Variants in PPP4C observed in about 807,000 individuals in gnomAD.
PPP4C encodes the protein protein phosphatase 4 catalytic subunit, also known as serine/threonine-protein phosphatase 4 catalytic subunit.
Under a neutral mutation model 40.5 loss-of-function variants are expected in PPP4C, and 10 were observed. The ratio of observed to expected loss-of-function variants is 0.25; its 90% confidence interval spans 0.15 to 0.42. The LOEUF (loss-of-function observed/expected upper bound fraction) is 0.42, where lower values mean the gene tolerates loss of function less well. PPP4C is among the 10% of genes least tolerant of loss of function. The pLI is 1.00. For missense variants in PPP4C, 191 were observed against 416.4 expected (o/e 0.46, Z 4.71); for synonymous variants, 187 against 163.6 (o/e 1.14, Z -1.09).
At position 30,083,185 on chromosome 16, in the gene PPP4C, A is replaced by G; in HGVS notation, c.304-209A>G. On this transcript the variant is annotated intron_variant, in intron 5 of 8. Transcript: ENST00000279387. This position sits in a 1 kb window ranked among gnomAD's most constrained non-coding sequence, Gnocchi z 6.3. ...AGGTGAAAGAAGAGCCATTAGGTTC[A>G]TAGTTGAGGGAATGGGTCAGCTTTA... 1 of 637,094 alleles carries G rather than the reference A, an allele frequency of 1.6e-6. No homozygotes were observed. The highest frequency in any genetic ancestry group is 2.7e-5 in the East Asian group (1 of 36,948). 39.5% of individuals were successfully genotyped at this position (637,094 alleles called of 1,614,324 possible).
intron 7 of PPP4C, among the ~76,000 whole-genome samples, 153 bp from the exon 8 acceptor site, chr16:30,084,513 G>A (rs943972474): frequency 1.3e-5 from 2 of 152,154 alleles, no homozygotes; most frequent in Non-Finnish European, 2.9e-5. Flanking sequence ...CCTGGTCCCC[G>A]CCATCCCACA....
chr16:30,076,530 C>G, intron 2 of PPP4C, 55 bp downstream of exon 2: 1 of 1,530,432 alleles, frequency 6.5e-7, no homozygotes, highest in Non-Finnish European at 8.9e-7. Flanking sequence ...CGGGTTCTGG[C>G]CTGGGGCAAA....
Position 30,083,795 on chromosome 16 carries a change from G to A in PPP4C, c.604+14G>A. 1 of 1,613,094 alleles carries A rather than the reference G, an allele frequency of 6.2e-7. No homozygotes were observed. The highest frequency in any genetic ancestry group is 8.5e-7 in the Non-Finnish European group (1 of 1,179,786). ...CTGACCCAGAAGGTGAGGGCATGTG[G>A]GCAGGGGCAGGCAGGGACAGCCAGG... On this transcript the variant is annotated intron_variant, in intron 7 of 8. Coordinates refer to ENST00000279387, the MANE Select transcript of PPP4C (RefSeq NM_002720.3). The surrounding 1 kb of genome is among the most constrained non-coding windows in gnomAD (Gnocchi z 6.3).
Position 30,083,595 on chromosome 16 carries a change from A to C in PPP4C, c.477+28A>C. 6.2e-7 allele frequency: 1 copy of C among 1,613,862 alleles called. No individual in the cohort carries two copies. The highest frequency in any genetic ancestry group is 1.1e-5 in the South Asian group (1 of 91,088). ...AAGCCAGCCCAGGGCTCCATGGGAC[A>C]GGGAGAGGAGGGGGGCTTCAGGCCT... On this transcript the variant is annotated intron_variant, in intron 6 of 8. Transcript: ENST00000279387. This position sits in a 1 kb window ranked among gnomAD's most constrained non-coding sequence, Gnocchi z 6.3.
At chr16:30,079,003 AG>A (rs1032253335) in intron 2 of PPP4C, among the ~76,000 whole-genome samples, 3 of 151,808 alleles carry the variant, frequency 2.0e-5, no homozygotes, top group Non-Finnish European at 4.4e-5. Flanking sequence ...GCTGGCACTG[AG>A]GGGGGCTTTG....
intron 2 of PPP4C, among the ~76,000 whole-genome samples, chr16:30,078,127 A>G (rs1003376375): frequency 4.6e-5 from 7 of 152,118 alleles, no homozygotes; most frequent in Non-Finnish European, 1.0e-4. Context: ...CGGGCCCTGG[A>G]TCAGTGTGGT....
rs775301267 is a variant in PPP4C at position 30,082,465 on chromosome 16, C to T, written c.151-19C>T. The T allele has an allele frequency of 5.0e-6, 8 of 1,612,152 alleles. No individual in the cohort carries two copies. Among genetic ancestry groups the T allele is most frequent in the Non-Finnish European group, 5.1e-6 (6 of 1,178,354 alleles). On this transcript the variant is annotated intron_variant, in intron 3 of 8. Transcript: ENST00000279387. ...ACTCCCACTGCTTGAGTTCCAACCC[C>T]ACTCTTCCTGTTCCCCAGGTGTGCG... is the stretch of plus-strand genomic sequence containing the variant.
At chr16:30,076,625 T>G in intron 2 of PPP4C, 150 bp downstream of exon 2, 1 of 740,226 alleles carries the variant, frequency 1.4e-6, no homozygotes, top group Non-Finnish European at 2.3e-6. Context: ...GAGGAAAAGC[T>G]AGCCTGCTCG....
chr16:30,082,862 C>T lies in PPP4C; in HGVS notation c.303+15C>T. ...TGGCACTTAAGGTGGCAGTCCCCGG[C>T]TTCTGCACCCCCAACCTGGGCGACC... On this transcript the variant is annotated intron_variant, in intron 5 of 8. Coordinates refer to ENST00000279387, the MANE Select transcript of PPP4C (RefSeq NM_002720.3). 6.2e-7 allele frequency: 1 copy of T among 1,610,442 alleles called. No individual in the cohort carries two copies. Among genetic ancestry groups the T allele is most frequent in the Non-Finnish European group, 8.5e-7 (1 of 1,176,886 alleles).
Position 30,076,382 on chromosome 16 carries a change from C to T in PPP4C, c.5C>T (p.Ala2Val). 1 of 1,612,844 alleles carries T rather than the reference C, an allele frequency of 6.2e-7. No homozygotes were observed. The highest frequency in any genetic ancestry group is 8.5e-7 in the Non-Finnish European group (1 of 1,179,668). Reference sequence around the variant, plus strand: ...GACCCGCGCCGGGGGTGGGCCATGGCGGAGATCAGCGACCTGGACCGGCAG... The same window carrying T: ...GACCCGCGCCGGGGGTGGGCCATGGTGGAGATCAGCGACCTGGACCGGCAG... Reference protein sequence around the residue: MAEISDLDRQIE... With the variant: MVEISDLDRQIE... Residue 2 changes from alanine (A) to valine (V), a missense_variant, in exon 2 of 9, where the codon GCG (alanine) becomes GTG (valine). Coordinates refer to ENST00000279387, the MANE Select transcript of PPP4C (RefSeq NM_002720.3).
chr16:30,081,034 C>T (rs1044644681), intron 2 of PPP4C, among the ~76,000 whole-genome samples: 6 of 152,124 alleles, frequency 3.9e-5, no homozygotes, highest in East Asian at 1.9e-4. Context: ...AGGCCTGGAA[C>T]GCTGGGATAA....
intron 3 of PPP4C, 109 bp downstream of exon 3, chr16:30,081,419 C>A: frequency 2.2e-6 from 2 of 889,158 alleles, no homozygotes; most frequent in Non-Finnish European, 3.6e-6. Flanking sequence ...TTTATCTGTC[C>A]TTTCCCTCAC....
chr16:30,082,708 C>T, intron 4 of PPP4C, 38 bp from the exon 5 acceptor site: 1 of 1,582,702 alleles, frequency 6.3e-7, no homozygotes. Flanking sequence ...GGGTAGGGGA[C>T]TGTTTACGAC....
intron 2 of PPP4C, among the ~76,000 whole-genome samples, chr16:30,080,344 CAAAAAA>C (rs766436567): frequency 2.2e-5 from 1 of 45,336 alleles, no homozygotes; most frequent in Non-Finnish European, 4.5e-5. Context: ...GACTCTGTCT[CAAAAAA>C]AAAAAAAAAA....
At chr16:30,078,313 A>G (rs2072441681) in intron 2 of PPP4C, among the ~76,000 whole-genome samples, 1 of 152,222 alleles carries the variant, frequency 6.6e-6, no homozygotes, top group African/African-American at 2.4e-5. Context: ...TGTCTTGCCC[A>G]ACATCACGCA....
chr16:30,084,606 A>G, intron 7 of PPP4C, 60 bp from the exon 8 acceptor site: 1 of 1,508,176 alleles, frequency 6.6e-7, no homozygotes, highest in Non-Finnish European at 9.2e-7. Flanking sequence ...CTCAAGGGGC[A>G]GCGCTGGCAG....
Position 30,085,150 on chromosome 16 carries a change from G to GT in PPP4C, c.*88_*89insT, listed in dbSNP as rs2072597740. 2 of 1,514,032 alleles carry GT rather than the reference G, an allele frequency of 1.3e-6. No individual in the cohort carries two copies. The highest frequency in any genetic ancestry group is 1.4e-5 in the African/African-American group (1 of 73,258). 93.8% of individuals were successfully genotyped at this position (1,514,032 alleles called of 1,614,324 possible). The stretch of plus-strand genomic sequence containing the variant: ...TTCCTCAGACGGAGGCTGGGCGTGG[G>GT]GGGGGCTGTCCTGGCTCTGCTGTCC... On this transcript the variant is annotated 3_prime_UTR_variant, in exon 9 of 9. Transcript: ENST00000279387.
At chr16:30,079,809 A>G (rs1339275415) in intron 2 of PPP4C, among the ~76,000 whole-genome samples, 1 of 152,178 alleles carries the variant, frequency 6.6e-6, no homozygotes, top group Non-Finnish European at 1.5e-5. Context: ...TGGGCCTCCC[A>G]CATCAGAATA....
intron 3 of PPP4C, 62 bp from the exon 4 acceptor site, chr16:30,082,422 G>C: frequency 6.7e-7 from 1 of 1,503,102 alleles, no homozygotes. Flanking sequence ...GCGGGTGTTT[G>C]GAGGGTAGTC....
Sources: allele counts gnomAD v4.1 joint callset (sites outside exome capture counted in the v4.1 genomes callset), GRCh38; gene constraint gnomAD v4.1.1; non-coding constraint Gnocchi (gnomAD v3.1); transcripts MANE v1.5; gene names NCBI Gene and HGNC (gene_info 2026-07-23, HGNC 2026-07-21).